The following FRMD4B variants were observed in gnomAD, a reference collection of about 807,000 sequenced individuals.
FRMD4B encodes the protein FERM domain-containing protein 4B.
Under a neutral mutation model 141.5 loss-of-function variants are expected in FRMD4B, and 74 were observed. The observed-to-expected ratio is 0.52, with a 90% CI of 0.43 to 0.63. FRMD4B has a LOEUF of 0.63. Ranked by LOEUF, FRMD4B falls within the 30% of genes least tolerant of loss-of-function variation. FRMD4B has a pLI of 0.00. For synonymous variants in FRMD4B, 506 were observed against 467.9 expected, an observed-to-expected ratio of 1.08 and a Z score of -1.05; for missense variants, 1,366 against 1,253.4, an observed-to-expected ratio of 1.09 and a Z score of -1.36.
intron 11 of FRMD4B, among the ~76,000 whole-genome samples, chr3:69,215,282 C>CTTTTTTTTTTTTTTTTTTTTTTTTT: frequency 2.7e-5 from 1 of 37,496 alleles, no homozygotes; most frequent in East Asian, 4.2e-4. Flanking sequence ...GATTGTGACC[C>CTTTTTTTTTTTTTTTTTTTTTTTTT]TCTTTTTTTT....
intron 7 of FRMD4B, among the ~76,000 whole-genome samples, chr3:69,225,884 C>T (rs1447218742): frequency 1.3e-5 from 2 of 151,964 alleles, no homozygotes; most frequent in African/African-American, 4.8e-5. Context: ...AACTGGTGTT[C>T]ATCAAACAGC....
At chr3:69,302,319 C>T (rs750255660) in intron 4 of FRMD4B, 24 bp downstream of exon 4, 4 of 1,286,450 alleles carry the variant, frequency 3.1e-6, no homozygotes, top group Non-Finnish European at 4.5e-6. Flanking sequence ...AAGAGGGATG[C>T]TAACTGGGTC....
chr3:69,435,554 G>C (rs1208043995), intron 1 of FRMD4B, among the ~76,000 whole-genome samples: 1 of 152,192 alleles, frequency 6.6e-6, no homozygotes, highest in East Asian at 1.9e-4. Flanking sequence ...TACAACTGCA[G>C]AGTTGAATAG....
intron 2 of FRMD4B, among the ~76,000 whole-genome samples, chr3:69,429,745 CTCT>C: frequency 7.0e-6 from 1 of 143,628 alleles, no homozygotes; most frequent in Admixed American, 7.3e-5. Context: ...ATTTGGAGAC[CTCT>C]TCTTTTTTTT....
chr3:69,382,727 C>CTTTTTTTT, intron 1 of FRMD4B, among the ~76,000 whole-genome samples: 1 of 133,108 alleles, frequency 7.5e-6, no homozygotes, highest in African/African-American at 2.7e-5. Flanking sequence ...TAAACTGGGA[C>CTTTTTTTT]TTTTTTTTTT....
intron 1 of FRMD4B, among the ~76,000 whole-genome samples, chr3:69,485,598 C>T (rs1228886025): frequency 3.9e-5 from 6 of 152,342 alleles, no homozygotes; most frequent in East Asian, 3.9e-4. Flanking sequence ...GTAGGGCTCC[C>T]GCTTGTCCCT....
intron 1 of FRMD4B, among the ~76,000 whole-genome samples, chr3:69,514,686 TTAAA>T (rs58643773): frequency 0.28 from 40,300 of 142,896 alleles, 5,862 homozygotes; most frequent in Middle Eastern, 0.37. Context: ...AGACTCCATC[TTAAA>T]TAAATAAATA....
intron 7 of FRMD4B, chr3:69,228,515 G>A: frequency 2.2e-6 from 1 of 447,646 alleles, no homozygotes; most frequent in South Asian, 1.6e-5. Flanking sequence ...GTGTGATAGA[G>A]ATCAAAACTT....
chr3:69,454,621 C>A (rs1210848129), intron 1 of FRMD4B, among the ~76,000 whole-genome samples: 2 of 152,202 alleles, frequency 1.3e-5, no homozygotes, highest in Admixed American at 1.3e-4. Flanking sequence ...CCCAGCACTG[C>A]CGGCCCGCCC....
At chr3:69,345,001 G>A (rs1007328127) in intron 1 of FRMD4B, among the ~76,000 whole-genome samples, 3 of 145,252 alleles carry the variant, frequency 2.1e-5, no homozygotes, top group Admixed American at 1.4e-4. Flanking sequence ...AGGACAGTGG[G>A]TGCAGCCCAC....
chr3:69,202,876 G>A lies in FRMD4B; in HGVS notation c.877-4102C>T, dbSNP rs1322235295. 2.6e-5 allele frequency among the ~76,000 whole-genome samples: 4 copies of A among 151,958 alleles called. No homozygotes were observed. The East Asian group carries it at 7.7e-4, about 29-fold the overall frequency. On this transcript the variant is annotated intron_variant, in intron 11 of 22. Coordinates refer to ENST00000398540, the MANE Select transcript of FRMD4B (RefSeq NM_015123.3). ...ATAGAAAGATAAAATATTAAAAGAG[G>A]AGCAGCATAAATAACATTAACAAAG...
intron 1 of FRMD4B, among the ~76,000 whole-genome samples, chr3:69,471,128 G>T (rs757704433): frequency 6.6e-6 from 1 of 152,108 alleles, no homozygotes; most frequent in Non-Finnish European, 1.5e-5. Context: ...ATCATTTGAA[G>T]TTACAGAGAA....
chr3:69,471,250 T>A (rs977616929), intron 1 of FRMD4B, among the ~76,000 whole-genome samples: 6 of 152,184 alleles, frequency 3.9e-5, no homozygotes, highest in Admixed American at 6.5e-5. Flanking sequence ...CCTTGTCAAC[T>A]GGATAACTTC....
At chr3:69,188,773 A>AC (rs1559697622) in intron 18 of FRMD4B, among the ~76,000 whole-genome samples, 2 of 151,458 alleles carry the variant, frequency 1.3e-5, no homozygotes, top group African/African-American at 4.9e-5. Flanking sequence ...CAAAAAAAAA[A>AC]AAAAAAAAAA....
At chr3:69,299,932 A>C (rs944199485) in intron 4 of FRMD4B, among the ~76,000 whole-genome samples, 2 of 152,176 alleles carry the variant, frequency 1.3e-5, no homozygotes, top group African/African-American at 2.4e-5. Flanking sequence ...GGTCCCCTGC[A>C]CTTCCAGAGG....
chr3:69,243,348 G>T (rs1478685593), intron 7 of FRMD4B, among the ~76,000 whole-genome samples: 4 of 152,174 alleles, frequency 2.6e-5, no homozygotes, highest in Non-Finnish European at 5.9e-5. Flanking sequence ...AGAAGAGTTT[G>T]AACAAAGCCA....
Position 69,195,304 on chromosome 3 carries a change from T to C in FRMD4B, c.1295A>G (p.Lys432Arg), listed in dbSNP as rs751732868. The part of the protein sequence containing the change: ...QKREKILELK[K>R]KEKLLQEKLL... ...TTTTTCTTGTAATAGTTTCTCCTTC[T>C]TCTTTAGTTCAAGGATTTTTTCTCT... The change falls in exon 15 of 23, where the codon AAG becomes AGG. Residue 432 changes from lysine (K) to arginine (R), a missense_variant. Physicochemically the swap from Lys to Arg is conservative, Grantham distance 26. Transcript: ENST00000398540. The C allele has an allele frequency of 1.1e-5, 17 of 1,613,268 alleles. No individual in the cohort carries two copies. The South Asian group carries it at 1.3e-4, about 13-fold the overall frequency.
intron 1 of FRMD4B, chr3:69,472,585 C>T (rs1705910161): frequency 4.6e-6 from 1 of 215,870 alleles, no homozygotes; most frequent in Admixed American, 5.6e-5. Context: ...TTTGCCAATG[C>T]ACCACAATGT....
chr3:69,310,793 T>C (rs528469475), intron 3 of FRMD4B, among the ~76,000 whole-genome samples: 2 of 151,816 alleles, frequency 1.3e-5, no homozygotes, highest in South Asian at 4.2e-4. Context: ...GAAGGCAACA[T>C]AAAATGGACC....
Sources: allele counts gnomAD v4.1 joint callset (sites outside exome capture counted in the v4.1 genomes callset), GRCh38; gene constraint gnomAD v4.1.1; transcripts MANE v1.5; gene names NCBI Gene and HGNC (gene_info 2026-07-23, HGNC 2026-07-21).